CACNA2D2: variants seen among roughly 807,000 people sequenced by gnomAD.
CACNA2D2 encodes voltage-dependent calcium channel subunit alpha-2/delta-2.
A neutral mutation model predicts 166.4 loss-of-function variants in CACNA2D2; 48 were observed. The ratio of observed to expected loss-of-function variants is 0.29; its 90% confidence interval spans 0.23 to 0.37. The LOEUF is 0.37. Ranked by LOEUF, CACNA2D2 falls within the 10% of genes least tolerant of loss-of-function variation. The probability of loss-of-function intolerance (pLI) is 1.00; values close to 1 mark genes in which losing one functional copy is unlikely to be tolerated. For synonymous variants in CACNA2D2, 561 were observed against 573.7 expected (o/e 0.98, Z 0.32); for missense variants, 1,122 against 1,433.0 (o/e 0.78, Z 3.50).
At position 50,503,519 on chromosome 3, in the gene CACNA2D2, T is replaced by C. The variant is rs1330982724; in HGVS notation, c.-96A>G. 6.0e-6 allele frequency: 1 copy of C among 167,482 alleles called. No individual in the cohort carries two copies. Among genetic ancestry groups the C allele is most frequent in the Non-Finnish European group, 1.3e-5 (1 of 79,278 alleles). 10.4% of individuals were successfully genotyped at this position (167,482 alleles called of 1,614,324 possible). The stretch of plus-strand genomic sequence containing the variant: ...GGGGGCGCGGGCGGCGGGCGGTAAC[T>C]CGGCCTCTCCTCCGCCGCCGCCTTC... On this transcript the variant is annotated 5_prime_UTR_variant, in exon 1 of 38. Transcript: ENST00000424201.
At position 50,380,143 on chromosome 3, in the gene CACNA2D2, C is replaced by T; in HGVS notation, c.843-125G>A. Reference sequence around the variant, plus strand: ...TGCACTGTGTGGGCCAGGCAGGGTTCTATGCACCGATGATACCACATTTAA... The same window carrying T: ...TGCACTGTGTGGGCCAGGCAGGGTTTTATGCACCGATGATACCACATTTAA... On this transcript the variant is annotated intron_variant, in intron 8 of 37. Coordinates refer to ENST00000424201, the MANE Select transcript of CACNA2D2 (RefSeq NM_006030.4). This position sits in a 1 kb window ranked among gnomAD's most constrained non-coding sequence, Gnocchi z 4.9. The T allele has an allele frequency of 1.1e-6, 1 of 898,090 alleles. No homozygotes were observed. Among genetic ancestry groups the T allele is most frequent in the Non-Finnish European group, 1.8e-6 (1 of 557,294 alleles). 55.6% of individuals were successfully genotyped at this position (898,090 alleles called of 1,614,324 possible). A position where few individuals can be genotyped will look rare whatever the true frequency, so the allele number is the denominator to read the frequency against.
In CACNA2D2 at chr3:50,368,134, T is replaced by C. The variant is rs1704450289; in HGVS notation, c.2143+4A>G. The C allele has an allele frequency of 6.2e-7, 1 of 1,606,584 alleles. No individual in the cohort carries two copies. Among genetic ancestry groups the C allele is most frequent in the African/African-American group, 1.3e-5 (1 of 74,774 alleles). On this transcript the variant is annotated splice_donor_region_variant and intron_variant, in intron 24 of 37. Transcript: ENST00000424201. ...CAGAGCCAGCTGCCCTGCCAGGCAC[T>C]CACACTGCTTGGAGTCTGGAGTCAC...
At chr3:50,397,393 G>T (rs1299843108) in intron 3 of CACNA2D2, among the ~76,000 whole-genome samples, 1 of 152,188 alleles carries the variant, frequency 6.6e-6, no homozygotes, top group East Asian at 1.9e-4. Context: ...CAGCTGGTGG[G>T]GTGCAGTGGA....
At position 50,366,176 on chromosome 3, in the gene CACNA2D2, G is replaced by C. The variant is rs780152328; in HGVS notation, c.2710-13C>G. On this transcript the variant is annotated splice_polypyrimidine_tract_variant and intron_variant, in intron 31 of 37. Coordinates refer to ENST00000424201, the MANE Select transcript of CACNA2D2 (RefSeq NM_006030.4). This position sits in a 1 kb window ranked among gnomAD's most constrained non-coding sequence, Gnocchi z 5.9. ...AGAACCTGCCCACCTGAGGATGTCA[G>C]GAGAAAGCCATGGTCACAGGGCTGG... is the stretch of plus-strand genomic sequence containing the variant. The C allele has an allele frequency of 6.2e-7, 1 of 1,613,956 alleles. No individual in the cohort carries two copies. Among genetic ancestry groups the C allele is most frequent in the Admixed American group, 1.7e-5 (1 of 60,008 alleles).
rs587610607 is a variant in CACNA2D2, at chr3:50,379,673, G to A, written c.993+52C>T. On this transcript the variant is annotated intron_variant, in intron 10 of 37. Coordinates refer to ENST00000424201, the MANE Select transcript of CACNA2D2 (RefSeq NM_006030.4). This position sits in a 1 kb window ranked among gnomAD's most constrained non-coding sequence, Gnocchi z 6.5. ...CATGGGGCTGGTGATGGTCACAGGA[G>A]CAGGGCAGATGGGGTGACCCATTTC... 4 of 1,611,558 alleles carry A rather than the reference G, an allele frequency of 2.5e-6. No homozygotes were observed. In the East Asian group the frequency reaches 8.9e-5, roughly 36 times the overall value.
upstream of CACNA2D2, chr3:50,504,244 C>T (rs1322146468): frequency 1.3e-5 from 2 of 152,312 alleles, no homozygotes; most frequent in African/African-American, 4.8e-5. Flanking sequence ...ACTCGCTTCG[C>T]TTCCCTGGGC....
In CACNA2D2 at chr3:50,367,233, G is replaced by A. The variant is rs1474152526; in HGVS notation, c.2402-124C>T. 6 of 987,358 alleles carry A rather than the reference G, an allele frequency of 6.1e-6. No homozygotes were observed. The East Asian group carries it at 1.3e-4, about 21-fold the overall frequency. The allele number at this position is 987,358 out of a possible 1,614,324, so 61.2% of individuals were successfully genotyped here. On this transcript the variant is annotated intron_variant, in intron 27 of 37. Coordinates refer to ENST00000424201, the MANE Select transcript of CACNA2D2 (RefSeq NM_006030.4). The surrounding 1 kb of genome is among the most constrained non-coding windows in gnomAD (Gnocchi z 6.5). ...TCCAGCCCAAGCACCCAGCACTCAGGACAGTGTTTGGCACAGTCTATCCCT... is the reference window on the plus strand; with the variant it reads ...TCCAGCCCAAGCACCCAGCACTCAGAACAGTGTTTGGCACAGTCTATCCCT...
intron 1 of CACNA2D2, among the ~76,000 whole-genome samples, chr3:50,484,507 C>T (rs1458037074): frequency 6.6e-6 from 1 of 152,188 alleles, no homozygotes; most frequent in South Asian, 2.1e-4. Context: ...CCTGAACATG[C>T]CCCTATAGTC....
chr3:50,403,657 G>A (rs1262181779), intron 3 of CACNA2D2, among the ~76,000 whole-genome samples: 1 of 152,128 alleles, frequency 6.6e-6, no homozygotes, highest in Non-Finnish European at 1.5e-5. Context: ...CCGGATGCCT[G>A]GACCACTCCT....
chr3:50,489,387 C>T (rs1698425974), intron 1 of CACNA2D2, among the ~76,000 whole-genome samples: 1 of 152,236 alleles, frequency 6.6e-6, no homozygotes, highest in African/African-American at 2.4e-5. Flanking sequence ...GGCTCAGGAA[C>T]CGTGTAAATC....
intron 1 of CACNA2D2, among the ~76,000 whole-genome samples, chr3:50,485,754 ACTG>A (rs1698253168): frequency 6.6e-6 from 1 of 152,252 alleles, no homozygotes; most frequent in African/African-American, 2.4e-5. Context: ...TGCCCTGGTA[ACTG>A]AGGCTCAGGG....
At position 50,427,731 on chromosome 3, in the gene CACNA2D2, C is replaced by A. The variant is rs1380392121; in HGVS notation, c.405+6582G>T. Among the ~76,000 whole-genome samples the A allele has an allele frequency of 6.6e-6, 1 of 152,200 alleles. No individual in the cohort carries two copies. Among genetic ancestry groups the A allele is most frequent in the Non-Finnish European group, 1.5e-5 (1 of 68,038 alleles). ...GGAGTCAGATCCCAGAGGCTGAGCC[C>A]CAGCCACAACCCAGAGCCACAGCGC... On this transcript the variant is annotated intron_variant, in intron 3 of 37. Transcript: ENST00000424201. This position sits in a 1 kb window ranked among gnomAD's most constrained non-coding sequence, Gnocchi z 4.7.
chr3:50,365,133 G>A lies in CACNA2D2; in HGVS notation c.3150C>T (p.Ala1050=), dbSNP rs1402064339. The change falls in exon 36 of 38, where the codon GCC becomes GCT. Residue 1050 remains alanine (A), a synonymous_variant. Coordinates refer to ENST00000424201, the MANE Select transcript of CACNA2D2 (RefSeq NM_006030.4). The surrounding 1 kb of genome is among the most constrained non-coding windows in gnomAD (Gnocchi z 4.5). ...CGCACTGGCTGCACAGCGGCTTCTCGGCCACCACAAAGAGAAGATTGGTGT... is the reference window on the plus strand; with the variant it reads ...CGCACTGGCTGCACAGCGGCTTCTCAGCCACCACAAAGAGAAGATTGGTGT... ...LTNTNLLFVV[A]EKPLCSQCEA... 6 of 1,612,040 alleles carry A rather than the reference G, an allele frequency of 3.7e-6. No homozygotes were observed. In the East Asian group the frequency reaches 6.7e-5, roughly 18 times the overall value.
chr3:50,442,974 A>G (rs1708671938), intron 2 of CACNA2D2, among the ~76,000 whole-genome samples: 1 of 152,092 alleles, frequency 6.6e-6, no homozygotes, highest in Non-Finnish European at 1.5e-5. Flanking sequence ...CATCCTCTCA[A>G]TGTGGCCTGG....
At chr3:50,421,155 T>C (rs1707539761) in intron 3 of CACNA2D2, among the ~76,000 whole-genome samples, 1 of 152,226 alleles carries the variant, frequency 6.6e-6, no homozygotes. Context: ...TGGCCCCACA[T>C]CCAGAAATCT....
chr3:50,489,150 T>C (rs1698415084), intron 1 of CACNA2D2, among the ~76,000 whole-genome samples: 1 of 152,192 alleles, frequency 6.6e-6, no homozygotes, highest in Non-Finnish European at 1.5e-5. Context: ...GATCCCATCA[T>C]AAAGATGAGG....
chr3:50,456,705 A>G (rs138688337), intron 2 of CACNA2D2, among the ~76,000 whole-genome samples: 137 of 152,200 alleles, frequency 9.0e-4, no homozygotes, highest in Non-Finnish European at 1.7e-3. Context: ...GCCCTCCTTT[A>G]GTGCCTAACT....
rs1401099104 is a variant in CACNA2D2 at position 50,503,523 on chromosome 3, C to T, written c.-100G>A. ...GCGCGGGCGGCGGGCGGTAACTCGG[C>T]CTCTCCTCCGCCGCCGCCTTCTCCG... On this transcript the variant is annotated 5_prime_UTR_variant, in exon 1 of 38. Coordinates refer to ENST00000424201, the MANE Select transcript of CACNA2D2 (RefSeq NM_006030.4). The T allele has an allele frequency of 1.2e-5, 2 of 168,532 alleles. No homozygotes were observed. The highest frequency in any genetic ancestry group is 1.7e-4 in the South Asian group (1 of 5,824). The allele number at this position is 168,532 out of a possible 1,614,324, so 10.4% of individuals were successfully genotyped here.
chr3:50,464,272 C>G (rs908780097), intron 2 of CACNA2D2, among the ~76,000 whole-genome samples: 2 of 152,238 alleles, frequency 1.3e-5, no homozygotes, highest in Non-Finnish European at 2.9e-5. Flanking sequence ...GTGGAGGAGG[C>G]AGGTCAACTA....
Sources: allele counts gnomAD v4.1 joint callset (sites outside exome capture counted in the v4.1 genomes callset), GRCh38; gene constraint gnomAD v4.1.1; non-coding constraint Gnocchi (gnomAD v3.1); transcripts MANE v1.5; gene names NCBI Gene and HGNC (gene_info 2026-07-23, HGNC 2026-07-21).